UPF1: variants seen among roughly 807,000 people sequenced by gnomAD.
UPF1 encodes UPF1 RNA helicase and ATPase, also known as regulator of nonsense transcripts 1.
UPF1 carries 9 observed loss-of-function variants against 129.2 expected under a neutral mutation model. That is an observed-to-expected ratio of 0.07 (90% confidence interval 0.04 to 0.12). The LOEUF is 0.12. Among genes scored for constraint, UPF1 ranks in the 10% least tolerant of loss-of-function variants. UPF1 has a pLI of 1.00. For missense variants in UPF1, 788 were observed against 1,525.3 expected, an observed-to-expected ratio of 0.52 and a Z score of 8.05; for synonymous variants, 649 against 644.9, an observed-to-expected ratio of 1.01 and a Z score of -0.10.
intron 18 of UPF1, chr19:18,863,190 A>G (rs1030082103): frequency 1.5e-5 from 7 of 455,160 alleles, no homozygotes; most frequent in African/African-American, 1.2e-4. Flanking sequence ...CTCCAAACGT[A>G]TCCACCCAGC....
At chr19:18,863,722 C>A in intron 19 of UPF1, 110 bp downstream of exon 19, 1 of 1,338,894 alleles carries the variant, frequency 7.5e-7, no homozygotes. Context: ...GAGGGCTCTC[C>A]TAGGGGAGGG....
intron 11 of UPF1, chr19:18,855,500 C>T (rs2055707590): frequency 1.2e-5 from 7 of 571,220 alleles, no homozygotes; most frequent in East Asian, 6.0e-5. Flanking sequence ...GCGTGAGTTC[C>T]GTGTGCGGCA....
intron 1 of UPF1, 46 bp from the exon 2 acceptor site, chr19:18,845,933 TC>T: frequency 6.2e-7 from 1 of 1,605,866 alleles, no homozygotes; most frequent in Non-Finnish European, 8.5e-7. Flanking sequence ...CTGCACTGAG[TC>T]CTGGAAGCTG....
rs2055852315 is a variant in UPF1 at position 18,866,853 on chromosome 19, TC to T, written c.*337del. On this transcript the variant is annotated 3_prime_UTR_variant, in exon 24 of 24. Coordinates refer to ENST00000262803, the MANE Select transcript of UPF1 (RefSeq NM_002911.4). ...TAGCCCTTTCCTCTGTTCTTTTATTTCTTTTTCTCTTTGATTGAAAGGGGAC... is the reference window on the plus strand; with the variant it reads ...TAGCCCTTTCCTCTGTTCTTTTATTTTTTTTCTCTTTGATTGAAAGGGGAC... 1 of 152,586 alleles carries T rather than the reference TC, an allele frequency of 6.6e-6. No individual in the cohort carries two copies. The highest frequency in any genetic ancestry group is 2.4e-5 in the African/African-American group (1 of 41,452). The allele number at this position is 152,586 out of a possible 1,614,324, so 9.5% of individuals were successfully genotyped here.
At chr19:18,849,771 A>G (rs2055638610) in intron 3 of UPF1, 4 of 354,936 alleles carry the variant, frequency 1.1e-5, no homozygotes, top group South Asian at 1.0e-4. Context: ...CTGGGCCAAC[A>G]ATGGGTTAAA....
Position 18,846,036 on chromosome 19 carries a change from C to A in UPF1, c.288C>A (p.Thr96=), listed in dbSNP as rs535516696. Residue 96 remains threonine (T), a synonymous_variant, in exon 2 of 24, where the codon ACC becomes ACA. Transcript: ENST00000262803. ...CTGTGGACGACAGTGTAGCCAAGAC[C>A]AGCCAGTTGTTGGCTGAGTTGAACT... ...NGAVDDSVAK[T]SQLLAELNFE... 26 of 1,614,068 alleles carry A rather than the reference C, an allele frequency of 1.6e-5. No homozygotes were observed. The African/African-American group carries it at 3.1e-4, about 19-fold the overall frequency.
chr19:18,854,713 C>G lies in UPF1; in HGVS notation c.1265+4C>G. Reference sequence around the variant, plus strand: ...GGAAGTCGACCTCCTTTGACAGGTACGTCTTCTCCCATCACTGCCCCCTGT... The same window carrying G: ...GGAAGTCGACCTCCTTTGACAGGTAGGTCTTCTCCCATCACTGCCCCCTGT... On this transcript the variant is annotated splice_donor_region_variant and intron_variant, in intron 9 of 23. Coordinates refer to ENST00000262803, the MANE Select transcript of UPF1 (RefSeq NM_002911.4). The G allele has an allele frequency of 6.2e-7, 1 of 1,612,962 alleles. No individual in the cohort carries two copies. Among genetic ancestry groups the G allele is most frequent in the South Asian group, 1.1e-5 (1 of 91,012 alleles).
At chr19:18,863,312 G>A (rs981611953) in intron 18 of UPF1, 126 bp from the exon 19 acceptor site, 2 of 1,284,220 alleles carry the variant, frequency 1.6e-6, no homozygotes, top group African/African-American at 1.5e-5. Context: ...CAGCCTGCCT[G>A]CTGCCCGGTC....
chr19:18,864,735 T>TTTG (rs1328312265), intron 20 of UPF1, among the ~76,000 whole-genome samples: 2 of 134,708 alleles, frequency 1.5e-5, no homozygotes, highest in African/African-American at 2.8e-5. Context: ...TTGCAGGTGT[T>TTTG]TTTTTTTTTT....
In UPF1 at chr19:18,832,221, G is replaced by C. The variant is rs2055433117; in HGVS notation, c.12G>C (p.Glu4Asp). 4 of 1,544,464 alleles carry C rather than the reference G, an allele frequency of 2.6e-6. No homozygotes were observed. The highest frequency in any genetic ancestry group is 3.5e-6 in the Non-Finnish European group (4 of 1,144,794). ...TACCCGGAGGCACCATGAGCGTGGAGGCGTACGGGCCCAGCTCGCAGACTC... is the reference window on the plus strand; with the variant it reads ...TACCCGGAGGCACCATGAGCGTGGACGCGTACGGGCCCAGCTCGCAGACTC... MSV[E>D]AYGPSSQTLT... is the part of the protein sequence containing the mutation. Residue 4 changes from glutamate (E) to aspartate (D), a missense_variant, in exon 1 of 24, where the codon GAG becomes GAC. Around this residue, in one of 6 missense-constraint regions of UPF1, gnomAD observed 112 missense variants for 128.2 expected, o/e 0.87. Coordinates refer to ENST00000262803, the MANE Select transcript of UPF1 (RefSeq NM_002911.4). This position sits in a 1 kb window ranked among gnomAD's most constrained non-coding sequence, Gnocchi z 5.6.
At chr19:18,866,258 G>T in intron 23 of UPF1, 92 bp downstream of exon 23, 1 of 1,442,928 alleles carries the variant, frequency 6.9e-7, no homozygotes, top group South Asian at 1.5e-5. Flanking sequence ...TGGAGGGGTG[G>T]TATCTGGAAA....
intron 2 of UPF1, among the ~76,000 whole-genome samples, chr19:18,847,225 G>C (rs1483911635): frequency 6.6e-6 from 1 of 152,214 alleles, no homozygotes; most frequent in Non-Finnish European, 1.5e-5. Flanking sequence ...CAGCTCTGGG[G>C]AGCTAGTATT....
intron 17 of UPF1, 56 bp downstream of exon 17, chr19:18,861,038 C>G: frequency 2.6e-6 from 4 of 1,510,508 alleles, no homozygotes; most frequent in Non-Finnish European, 3.6e-6. Context: ...GGTATTGACC[C>G]TTGACCTTTA....
intron 11 of UPF1, 151 bp downstream of exon 11, chr19:18,855,393 CATT>C: frequency 1.2e-6 from 1 of 813,814 alleles, no homozygotes; most frequent in South Asian, 1.8e-5. Context: ...CTCTATGTGA[CATT>C]ATTCGTGTCA....
chr19:18,852,838 G>A, intron 6 of UPF1, 149 bp from the exon 7 acceptor site: 1 of 667,700 alleles, frequency 1.5e-6, no homozygotes, highest in South Asian at 1.8e-5. Flanking sequence ...GCCCTTGGTG[G>A]CATTTGGGGC....
chr19:18,855,338 C>A, intron 11 of UPF1, 96 bp downstream of exon 11: 2 of 1,369,760 alleles, frequency 1.5e-6, no homozygotes, highest in South Asian at 1.3e-5. Context: ...TCTGTCACAC[C>A]GAAGAGAGCA....
At position 18,832,058 on chromosome 19, in the gene UPF1, G is replaced by T; in HGVS notation, c.-152G>T. The T allele has an allele frequency of 1.5e-6, 1 of 659,454 alleles. No homozygotes were observed. Among genetic ancestry groups the T allele is most frequent in the Non-Finnish European group, 2.2e-6 (1 of 464,780 alleles). The allele number at this position is 659,454 out of a possible 1,614,324, so 40.9% of individuals were successfully genotyped here. A position where few individuals can be genotyped will look rare whatever the true frequency, so the allele number is the denominator to read the frequency against. The stretch of plus-strand genomic sequence containing the variant: ...CGGCGGCTCGGCACTGTTACCTCTC[G>T]GTCCGGCTGGCGCCGGGGCGCGCGG... On this transcript the variant is annotated 5_prime_UTR_variant, in exon 1 of 24. Coordinates refer to ENST00000262803, the MANE Select transcript of UPF1 (RefSeq NM_002911.4). The surrounding 1 kb of genome is among the most constrained non-coding windows in gnomAD (Gnocchi z 5.6).
chr19:18,856,808 C>T, intron 13 of UPF1, 69 bp from the exon 14 acceptor site: 3 of 1,535,608 alleles, frequency 2.0e-6, no homozygotes, highest in African/African-American at 2.8e-5. Context: ...GTGTTCTGTC[C>T]CACCTGCCCT....
intron 20 of UPF1, 147 bp downstream of exon 20, chr19:18,864,398 A>G (rs894798978): frequency 1.5e-6 from 1 of 649,004 alleles, no homozygotes; most frequent in Non-Finnish European, 2.6e-6. Flanking sequence ...CCCCTAGGGC[A>G]TCTCTAGCCC....
Sources: gnomAD v4.1 joint callset for allele counts (sites outside exome capture counted in the v4.1 genomes callset) on GRCh38, gnomAD v4.1.1 for gene constraint, gnomAD v4.1.1 regional missense constraint, Gnocchi (gnomAD v3.1) non-coding constraint, MANE v1.5 for transcripts, NCBI Gene and HGNC (gene_info 2026-07-23, HGNC 2026-07-21) for gene names.